Variants in DENND1B observed in about 807,000 individuals in gnomAD.
DENND1B encodes the protein DENN domain-containing protein 1B.
In DENND1B, 59 loss-of-function variants were observed where a neutral mutation model predicts 90.1. The ratio of observed to expected loss-of-function variants is 0.65; its 90% CI spans 0.53 to 0.81. The LOEUF (loss-of-function observed/expected upper bound fraction) is 0.81. Among genes scored for constraint, DENND1B ranks in the 40% least tolerant of loss-of-function variants. The probability of loss-of-function intolerance (pLI) is 0.00; values close to 1 mark genes in which losing one functional copy is unlikely to be tolerated. For missense variants in DENND1B, 862 were observed against 912.6 expected (o/e 0.94, Z 0.71); for synonymous variants, 337 against 324.6 (o/e 1.04, Z -0.41).
chr1:197,743,048 G>C (rs1395532811), intron 2 of DENND1B, among the ~76,000 whole-genome samples: 3 of 152,208 alleles, frequency 2.0e-5, no homozygotes, highest in Non-Finnish European at 4.4e-5. Flanking sequence ...AGCCCAGATA[G>C]ATGACTGGGT....
At chr1:197,735,203 T>C (rs1662529492) in intron 2 of DENND1B, 30 of 1,034,580 alleles carry the variant, frequency 2.9e-5, no homozygotes, top group Middle Eastern at 9.7e-4. Flanking sequence ...ATGCCTACCA[T>C]TGAGTATCTT....
chr1:197,551,158 T>G (rs1225431735), intron 16 of DENND1B, among the ~76,000 whole-genome samples: 1 of 151,896 alleles, frequency 6.6e-6, no homozygotes, highest in Non-Finnish European at 1.5e-5. Context: ...AGAACACTGC[T>G]AATTTTTATT....
intron 15 of DENND1B, among the ~76,000 whole-genome samples, chr1:197,554,192 T>C (rs1671504829): frequency 6.6e-6 from 1 of 151,750 alleles, no homozygotes; most frequent in Non-Finnish European, 1.5e-5. Flanking sequence ...TGTTGATTTG[T>C]GGCACCTAGA....
chr1:197,727,562 A>G (rs1034328199), intron 2 of DENND1B, among the ~76,000 whole-genome samples: 2 of 152,060 alleles, frequency 1.3e-5, no homozygotes, highest in Non-Finnish European at 2.9e-5. Flanking sequence ...AAGAAAAAGA[A>G]AACATATAAT....
At chr1:197,770,799 A>G (rs1190541445) in intron 2 of DENND1B, among the ~76,000 whole-genome samples, 5 of 137,314 alleles carry the variant, frequency 3.6e-5, no homozygotes, top group East Asian at 4.0e-4. Flanking sequence ...TATATCTATA[A>G]ATATATATAT....
At position 197,553,008 on chromosome 1, in the gene DENND1B, T is replaced by C. The variant is rs757639261; in HGVS notation, c.1240+14A>G. 2.5e-6 allele frequency: 4 copies of C among 1,572,274 alleles called. No individual in the cohort carries two copies. In the South Asian group the frequency reaches 4.9e-5, roughly 19 times the overall value. ...ATTGAGAAAATGGATAATCATATTG[T>C]AACTTGTCTTTACCTCCACAAAAGC... On this transcript the variant is annotated intron_variant, in intron 16 of 22. Transcript: ENST00000620048.
chr1:197,557,907 A>C (rs1671845453), intron 15 of DENND1B, among the ~76,000 whole-genome samples: 1 of 151,886 alleles, frequency 6.6e-6, no homozygotes, highest in Non-Finnish European at 1.5e-5. Flanking sequence ...TGAACTAATA[A>C]AAAATCATCT....
intron 20 of DENND1B, among the ~76,000 whole-genome samples, chr1:197,514,381 T>A (rs569842598): frequency 2.6e-4 from 40 of 151,724 alleles, no homozygotes; most frequent in South Asian, 4.2e-4. Context: ...GTCTTTTTTT[T>A]AAATTCCCAT....
chr1:197,749,794 T>TGA (rs1653209349), intron 2 of DENND1B, among the ~76,000 whole-genome samples: 2 of 152,180 alleles, frequency 1.3e-5, no homozygotes, highest in Non-Finnish European at 2.9e-5. Flanking sequence ...GGGATTCTCT[T>TGA]ACTTAATAAT....
At chr1:197,611,889 T>G in intron 12 of DENND1B, 42 bp downstream of exon 12, 1 of 1,549,256 alleles carries the variant, frequency 6.5e-7, no homozygotes. Context: ...TATTATTTTA[T>G]GAGTTAATTT....
At chr1:197,588,858 A>G (rs545646011) in intron 14 of DENND1B, among the ~76,000 whole-genome samples, 1 of 152,248 alleles carries the variant, frequency 6.6e-6, no homozygotes, top group African/African-American at 2.4e-5. Context: ...AGTCAATGAA[A>G]AAGAACCTCA....
intron 10 of DENND1B, among the ~76,000 whole-genome samples, chr1:197,640,728 G>A (rs1365214495): frequency 1.3e-5 from 2 of 152,148 alleles, no homozygotes; most frequent in African/African-American, 2.4e-5. Context: ...CATATACTCA[G>A]ATTTATTTCT....
chr1:197,641,293 A>G (rs1281015565), intron 10 of DENND1B, among the ~76,000 whole-genome samples: 1 of 152,182 alleles, frequency 6.6e-6, no homozygotes, highest in African/African-American at 2.4e-5. Flanking sequence ...ATCATGTTTA[A>G]AAAATGAGGA....
rs117448433 is a variant in DENND1B at position 197,678,048 on chromosome 1, T to C, written c.127-3879A>G. Among the ~76,000 whole-genome samples the C allele has an allele frequency of 1.1e-3, 170 of 152,314 alleles. 2 individuals carry two copies. The East Asian group carries it at 0.029, about 26-fold the overall frequency. ...CTCTCCCAGAAGTCTGATCCCTGAC[T>C]TTCCCATTACATTTAATTAGCCACA... is the stretch of plus-strand genomic sequence containing the variant. On this transcript the variant is annotated intron_variant, in intron 3 of 22. Transcript: ENST00000620048.
At position 197,721,236 on chromosome 1, in the gene DENND1B, A is replaced by T. The variant is rs781557451; in HGVS notation, c.83-6162T>A. Among the ~76,000 whole-genome samples, 30 of 150,878 alleles carry T rather than the reference A, an allele frequency of 2.0e-4. 1 individual carries two copies. The highest frequency in any genetic ancestry group is 3.4e-4 in the Non-Finnish European group (23 of 67,634). On this transcript the variant is annotated intron_variant, in intron 2 of 22. Coordinates refer to ENST00000620048, the MANE Select transcript of DENND1B (RefSeq NM_001195215.2). ...AGGCACCCACCACCACACCCAGCTA[A>T]TTTTTTTTTATTTTTAGTAGAGACA...
rs144847167 is a variant in DENND1B, at chr1:197,510,764, T to C, written c.2024A>G (p.Asp675Gly). ...EENSNKHLGA[D>G]NVSDPTSGLD... ...TCCTGAAGTAGGGTCACTCACATTG[T>C]CAGCACCGAGGTGCTTGTTACTGTT... The change falls in exon 23 of 23, where the codon GAC (aspartate) becomes GGC (glycine). Residue 675 changes from aspartate (D) to glycine (G), a missense_variant. Coordinates refer to ENST00000620048, the MANE Select transcript of DENND1B (RefSeq NM_001195215.2). 3 of 1,612,514 alleles carry C rather than the reference T, an allele frequency of 1.9e-6. No individual in the cohort carries two copies. Among genetic ancestry groups the C allele is most frequent in the Non-Finnish European group, 2.5e-6 (3 of 1,179,154 alleles).
intron 6 of DENND1B, among the ~76,000 whole-genome samples, chr1:197,653,539 C>G (rs2125939576): frequency 6.6e-6 from 1 of 152,132 alleles, no homozygotes; most frequent in South Asian, 2.1e-4. Context: ...ACCTATGGCA[C>G]TGAATTAGAA....
At chr1:197,696,104 T>C (rs1026951919) in intron 3 of DENND1B, among the ~76,000 whole-genome samples, 35 of 151,430 alleles carry the variant, frequency 2.3e-4, no homozygotes, top group Admixed American at 4.6e-4. Context: ...CATTATTAAA[T>C]ATAAAAACAA....
At chr1:197,660,575 A>G (rs1397603919) in intron 5 of DENND1B, among the ~76,000 whole-genome samples, 1 of 152,152 alleles carries the variant, frequency 6.6e-6, no homozygotes, top group African/African-American at 2.4e-5. Flanking sequence ...GTTCCAAACC[A>G]GAGTATCACT....
Sources: allele counts gnomAD v4.1 joint callset (sites outside exome capture counted in the v4.1 genomes callset), GRCh38; gene constraint gnomAD v4.1.1; transcripts MANE v1.5; gene names NCBI Gene and HGNC (gene_info 2026-07-23, HGNC 2026-07-21).